The following CPQ variants were observed in gnomAD, a reference collection of about 807,000 sequenced individuals.
CPQ encodes carboxypeptidase Q.
In CPQ, 37 loss-of-function variants were observed where a neutral mutation model predicts 45.7. The ratio of observed to expected loss-of-function variants is 0.81; its 90% confidence interval spans 0.62 to 1.07. CPQ has a LOEUF of 1.07. Ranked by LOEUF, CPQ falls within the 50% of genes least tolerant of loss-of-function variation. The pLI is 0.00. For synonymous variants in CPQ, 186 were observed against 205.8 expected, an observed-to-expected ratio of 0.90 and a Z score of 0.82; for missense variants, 537 against 572.9, an observed-to-expected ratio of 0.94 and a Z score of 0.64.
At chr8:96,939,252 G>A (rs1000094880) in intron 4 of CPQ, among the ~76,000 whole-genome samples, 3 of 152,180 alleles carry the variant, frequency 2.0e-5, no homozygotes, top group African/African-American at 7.2e-5. Context: ...GCATGCATGT[G>A]CAGTTCACAA....
chr8:96,646,626 T>G (rs1350975202), intron 1 of CPQ, among the ~76,000 whole-genome samples: 4 of 152,206 alleles, frequency 2.6e-5, no homozygotes, highest in Non-Finnish European at 4.4e-5. Flanking sequence ...ACTTGCCAGG[T>G]CCAGGTTCCA....
At position 97,083,851 on chromosome 8, in the gene CPQ, T is replaced by C. The variant is rs142261499; in HGVS notation, c.1255+17641T>C. 1.4e-4 allele frequency among the ~76,000 whole-genome samples: 22 copies of C among 152,298 alleles called. No homozygotes were observed. In the East Asian group the frequency reaches 3.7e-3, roughly 25 times the overall value. ...CCCTAATGGTGATGTGAAGATAGTA[T>C]GTATCCCAAAATATACATAGGGTAT... On this transcript the variant is annotated intron_variant, in intron 7 of 7. Transcript: ENST00000220763.
At chr8:96,909,721 G>A (rs534252669) in intron 4 of CPQ, among the ~76,000 whole-genome samples, 2 of 152,292 alleles carry the variant, frequency 1.3e-5, no homozygotes, top group African/African-American at 4.8e-5. Context: ...AGAGCTGGGA[G>A]TGGACATCTA....
At chr8:96,827,444 G>A (rs1020040224) in intron 2 of CPQ, among the ~76,000 whole-genome samples, 1 of 152,108 alleles carries the variant, frequency 6.6e-6, no homozygotes, top group Admixed American at 6.6e-5. Flanking sequence ...AACTGGAGCT[G>A]TCTGATGTTA....
At chr8:96,653,621 A>G (rs1437294557) in intron 1 of CPQ, among the ~76,000 whole-genome samples, 2 of 152,252 alleles carry the variant, frequency 1.3e-5, no homozygotes, top group East Asian at 3.8e-4. Context: ...TGTATGTTAC[A>G]TGTAATATAT....
intron 1 of CPQ, among the ~76,000 whole-genome samples, chr8:96,660,636 G>GGTGT (rs71267273): frequency 0.23 from 33,737 of 148,984 alleles, 4,520 homozygotes; most frequent in African/African-American, 0.38. Flanking sequence ...GAATACATTT[G>GGTGT]GTGTGTGTGT....
intron 1 of CPQ, among the ~76,000 whole-genome samples, chr8:96,769,753 T>G (rs924679544): frequency 6.7e-6 from 1 of 149,724 alleles, no homozygotes. Context: ...CACCTCAGCC[T>G]CCAGAGTAGT....
At chr8:96,892,098 G>A (rs1346791920) in intron 4 of CPQ, among the ~76,000 whole-genome samples, 3 of 152,140 alleles carry the variant, frequency 2.0e-5, no homozygotes, top group African/African-American at 7.2e-5. Context: ...TTTTTATGGA[G>A]TTATCCTGTA....
At chr8:97,087,331 G>A (rs1208338123) in intron 7 of CPQ, among the ~76,000 whole-genome samples, 3 of 152,208 alleles carry the variant, frequency 2.0e-5, no homozygotes, top group East Asian at 3.9e-4. Flanking sequence ...AAAACCGAAG[G>A]GGAATCAATA....
At chr8:96,695,151 C>T (rs1177559824) in intron 1 of CPQ, among the ~76,000 whole-genome samples, 1 of 149,934 alleles carries the variant, frequency 6.7e-6, no homozygotes, top group Admixed American at 6.7e-5. Context: ...CTACAACTAT[C>T]TGATCTTTGA....
intron 2 of CPQ, among the ~76,000 whole-genome samples, chr8:96,797,434 G>A (rs1352494940): frequency 6.6e-6 from 1 of 152,100 alleles, no homozygotes; most frequent in Non-Finnish European, 1.5e-5. Context: ...AGAACAGATT[G>A]CCATTGGTTA....
chr8:96,797,865 T>C lies in CPQ; in HGVS notation c.433+12535T>C, dbSNP rs1241616790. 4.0e-5 allele frequency among the ~76,000 whole-genome samples: 6 copies of C among 151,866 alleles called. No individual in the cohort carries two copies. The East Asian group carries it at 1.2e-3, about 29-fold the overall frequency. The stretch of plus-strand genomic sequence containing the variant: ...AGGAGATCAAGACCATCCTGGCTAG[T>C]GTGGTGAAACCCAGTCTCTACTAAA... On this transcript the variant is annotated intron_variant, in intron 2 of 7. Coordinates refer to ENST00000220763, the MANE Select transcript of CPQ (RefSeq NM_016134.4).
At chr8:96,654,944 T>C (rs572503151) in intron 1 of CPQ, among the ~76,000 whole-genome samples, 1 of 152,184 alleles carries the variant, frequency 6.6e-6, no homozygotes, top group East Asian at 1.9e-4. Flanking sequence ...CTTTTTTTTT[T>C]TTTCCAGAAT....
intron 4 of CPQ, among the ~76,000 whole-genome samples, chr8:96,923,776 G>A (rs1048410533): frequency 1.3e-5 from 2 of 151,964 alleles, no homozygotes; most frequent in Admixed American, 1.3e-4. Context: ...ATTCCAGGAA[G>A]CAACAGTGAG....
At chr8:96,645,686 G>A (rs1023665267) in intron 1 of CPQ, among the ~76,000 whole-genome samples, 11 of 152,012 alleles carry the variant, frequency 7.2e-5, no homozygotes, top group Admixed American at 7.2e-4. Context: ...ACAGCAGCGA[G>A]CACGGCCCTC....
intron 1 of CPQ, among the ~76,000 whole-genome samples, chr8:96,735,841 A>G (rs1446744579): frequency 2.0e-5 from 3 of 152,096 alleles, no homozygotes; most frequent in Non-Finnish European, 4.4e-5. Flanking sequence ...TTCTAACAGC[A>G]AGTCACTTCT....
chr8:97,114,602 A>T (rs527590398), intron 7 of CPQ, among the ~76,000 whole-genome samples: 8 of 152,314 alleles, frequency 5.3e-5, no homozygotes, highest in African/African-American at 1.9e-4. Context: ...ATATATCAAG[A>T]ATTTCATCCC....
At chr8:96,797,299 AG>A (rs1439668501) in intron 2 of CPQ, among the ~76,000 whole-genome samples, 1 of 152,236 alleles carries the variant, frequency 6.6e-6, no homozygotes, top group East Asian at 1.9e-4. Flanking sequence ...TTTGTGACTC[AG>A]AAAAGCACAT....
chr8:96,807,234 ATTTTTAT>A (rs1811090890), intron 2 of CPQ, among the ~76,000 whole-genome samples: 1 of 151,246 alleles, frequency 6.6e-6, no homozygotes, highest in Non-Finnish European at 1.5e-5. Flanking sequence ...TTTTTTTTTA[ATTTTTAT>A]TTTTTATTTT....
Sources: allele counts gnomAD v4.1 joint callset (sites outside exome capture counted in the v4.1 genomes callset), GRCh38; gene constraint gnomAD v4.1.1; transcripts MANE v1.5; gene names NCBI Gene and HGNC (gene_info 2026-07-23, HGNC 2026-07-21).